AVEN: variants seen among roughly 807,000 people sequenced by gnomAD.
The protein encoded by AVEN is cell death regulator Aven.
In AVEN, 41 loss-of-function variants were observed where a neutral mutation model predicts 38.1. That is an observed-to-expected ratio of 1.08 (90% CI 0.84 to 1.40). AVEN has a LOEUF of 1.40. Ranked by LOEUF, AVEN falls within the 40% of genes most tolerant of loss-of-function variation. The probability of loss-of-function intolerance (pLI) is 0.00; values close to 1 mark genes in which losing one functional copy is unlikely to be tolerated. For synonymous variants in AVEN, 206 were observed against 171.8 expected (o/e 1.20, Z -1.56); for missense variants, 605 against 438.8 (o/e 1.38, Z -3.38).
At chr15:33,877,806 G>A (rs988454462) in intron 2 of AVEN, among the ~76,000 whole-genome samples, 43 of 152,192 alleles carry the variant, frequency 2.8e-4, no homozygotes, top group African/African-American at 8.7e-4. Flanking sequence ...AAAAATAGCC[G>A]AGCATGGTGG....
At chr15:33,930,737 C>T (rs148235507) in intron 2 of AVEN, among the ~76,000 whole-genome samples, 3,321 of 152,206 alleles carry the variant, frequency 0.022, 122 homozygotes, top group African/African-American at 0.076. Context: ...AGGAGGATCA[C>T]GAGGTCAGGA....
Position 33,952,745 on chromosome 15 carries a change from T to C in AVEN, c.445+50287A>G, listed in dbSNP as rs1197924892. Reference sequence around the variant, plus strand: ...AACAGCATGGACAAGAATTTACCAATCAACCAATAAGTATGTCTGAATGCC... The same window carrying C: ...AACAGCATGGACAAGAATTTACCAACCAACCAATAAGTATGTCTGAATGCC... On this transcript the variant is annotated intron_variant, in intron 2 of 5. Transcript: ENST00000306730. Among the ~76,000 whole-genome samples, 3 of 151,322 alleles carry C rather than the reference T, an allele frequency of 2.0e-5. No homozygotes were observed. The East Asian group carries it at 5.8e-4, about 29-fold the overall frequency.
In AVEN at chr15:33,875,993, C is replaced by T; in HGVS notation, c.448G>A (p.Asp150Asn). The change falls in exon 3 of 6, where the codon GAC becomes AAC. Residue 150 changes from aspartate to asparagine, a missense_variant and splice_region_variant. Transcript: ENST00000306730. The stretch of plus-strand genomic sequence containing the variant: ...GCAAACCGGAACTGTGAGAATGAGT[C>T]CCCTAGGAATAGGAAAAAAAAAAAA... ...DFSVLLSSAG[D>N]SFSQFRFAEE... 2 of 1,611,336 alleles carry T rather than the reference C, an allele frequency of 1.2e-6. No homozygotes were observed. The highest frequency in any genetic ancestry group is 1.7e-6 in the Non-Finnish European group (2 of 1,179,564).
At chr15:33,964,850 T>C (rs1480729328) in intron 2 of AVEN, among the ~76,000 whole-genome samples, 1 of 152,210 alleles carries the variant, frequency 6.6e-6, no homozygotes, top group Non-Finnish European at 1.5e-5. Flanking sequence ...TTTTGTAGAA[T>C]GTTAGTCATG....
At chr15:33,857,718 G>A (rs2079841777), downstream of AVEN, 1 of 1,600,564 alleles carries the variant, frequency 6.2e-7, no homozygotes. Flanking sequence ...AGAGTCTCCT[G>A]TGAACCTTTC....
chr15:34,021,680 C>T (rs1898205752), intron 1 of AVEN, among the ~76,000 whole-genome samples: 2 of 151,912 alleles, frequency 1.3e-5, no homozygotes, highest in African/African-American at 4.8e-5. Flanking sequence ...AATGGTGAAA[C>T]CCCGTCTCTA....
intron 2 of AVEN, among the ~76,000 whole-genome samples, chr15:33,995,868 G>T (rs188053089): frequency 3.5e-4 from 53 of 152,356 alleles, no homozygotes; most frequent in Middle Eastern, 3.4e-3. Flanking sequence ...GAGCTGAAGC[G>T]GGGCGGGGCG....
chr15:34,063,010 T>C lies in AVEN; in HGVS notation n.1549A>G, dbSNP rs748975974. Reference sequence around the variant, plus strand: ...TACATCCTCATGGGACGCTGGGCTCTCGGGAGTCTGGCTTGTGACCTTTGG... The same window carrying C: ...TACATCCTCATGGGACGCTGGGCTCCCGGGAGTCTGGCTTGTGACCTTTGG... On this transcript the variant is annotated non_coding_transcript_exon_variant, in exon 5 of 12. Transcript: ENST00000675287. This position sits in a 1 kb window ranked among gnomAD's most constrained non-coding sequence, Gnocchi z 4.1. The C allele has an allele frequency of 6.2e-7, 1 of 1,614,122 alleles. No individual in the cohort carries two copies. The highest frequency in any genetic ancestry group is 8.5e-7 in the Non-Finnish European group (1 of 1,180,040).
intron 2 of AVEN, among the ~76,000 whole-genome samples, chr15:33,918,057 G>A (rs2153047065): frequency 6.6e-6 from 1 of 152,082 alleles, no homozygotes; most frequent in Admixed American, 6.5e-5. Context: ...GATATATCCA[G>A]TTCAATAAAA....
chr15:34,030,644 G>A (rs989901838), intron 1 of AVEN, among the ~76,000 whole-genome samples: 2 of 151,206 alleles, frequency 1.3e-5, no homozygotes, highest in Admixed American at 6.6e-5. Flanking sequence ...GGGGGGTTTT[G>A]TTGAGAAAGA....
intron 2 of AVEN, among the ~76,000 whole-genome samples, chr15:33,913,669 C>G (rs1226585240): frequency 1.3e-5 from 2 of 152,158 alleles, no homozygotes; most frequent in African/African-American, 2.4e-5. Flanking sequence ...AAACTGAAAA[C>G]CAGCCCTCTG....
rs77662859 is a variant in AVEN at position 33,905,879 on chromosome 15, C to T, written c.446-29884G>A. Among the ~76,000 whole-genome samples the T allele has an allele frequency of 6.0e-3, 909 of 151,876 alleles. 4 individuals are homozygous for T. The highest frequency in any genetic ancestry group is 9.2e-3 in the Non-Finnish European group (628 of 67,966). On this transcript the variant is annotated intron_variant, in intron 2 of 5. Coordinates refer to ENST00000306730, the MANE Select transcript of AVEN (RefSeq NM_020371.3). ...ACTCCCAGACACCCACCCAATTCAA[C>T]CAAATGCACTGAAACACCATGCATC...
chr15:33,888,005 G>C (rs1891774265), intron 2 of AVEN, among the ~76,000 whole-genome samples: 1 of 151,998 alleles, frequency 6.6e-6, no homozygotes, highest in African/African-American at 2.4e-5. Flanking sequence ...AGATGAGAAA[G>C]AACTTTCCCA....
chr15:33,937,985 GTACTAAA>G (rs1166967122), intron 2 of AVEN, among the ~76,000 whole-genome samples: 7 of 123,906 alleles, frequency 5.6e-5, no homozygotes, highest in Non-Finnish European at 8.7e-5. Context: ...TCCAATTAAA[GTACTAAA>G]TATGAAAAAT....
intron 2 of AVEN, among the ~76,000 whole-genome samples, chr15:33,961,265 C>T (rs954688694): frequency 6.6e-6 from 1 of 152,166 alleles, no homozygotes; most frequent in East Asian, 1.9e-4. Flanking sequence ...CCTCCTAAAT[C>T]TCACACCTGC....
intron 2 of AVEN, among the ~76,000 whole-genome samples, chr15:33,953,115 C>G (rs376154598): frequency 2.0e-5 from 3 of 152,116 alleles, no homozygotes; most frequent in Admixed American, 1.3e-4. Flanking sequence ...GAACTACAAA[C>G]CACTGCTCTA....
At chr15:34,015,499 A>T (rs28759330) in intron 1 of AVEN, among the ~76,000 whole-genome samples, 4 of 151,580 alleles carry the variant, frequency 2.6e-5, no homozygotes, top group Non-Finnish European at 4.4e-5. Flanking sequence ...AAAAAAAAAT[A>T]AAAAAATTCC....
upstream of AVEN, among the ~76,000 whole-genome samples, chr15:34,043,430 G>T (rs911733340): frequency 2.6e-5 from 4 of 152,040 alleles, no homozygotes; most frequent in Non-Finnish European, 4.4e-5. Flanking sequence ...CTAGTTTCTC[G>T]TGCTTAATAT....
chr15:34,047,102 G>A (rs1227129008), intron 5 of AVEN, among the ~76,000 whole-genome samples: 6 of 150,834 alleles, frequency 4.0e-5, no homozygotes, highest in African/African-American at 1.5e-4. Flanking sequence ...TTTGGAGACG[G>A]AGTCTCGTTC....
Sources: allele counts gnomAD v4.1 joint callset (sites outside exome capture counted in the v4.1 genomes callset), GRCh38; gene constraint gnomAD v4.1.1; non-coding constraint Gnocchi (gnomAD v3.1); transcripts MANE v1.5; gene names NCBI Gene and HGNC (gene_info 2026-07-23, HGNC 2026-07-21).